IL1RAPL1: variants seen among roughly 807,000 people sequenced by gnomAD.
IL1RAPL1 encodes interleukin-1 receptor accessory protein-like 1.
In IL1RAPL1, 3 loss-of-function variants were observed where a neutral mutation model predicts 48.4. That is an observed-to-expected ratio of 0.06 (90% CI 0.03 to 0.16). The LOEUF is 0.16. Ranked by LOEUF, IL1RAPL1 falls within the 10% of genes least tolerant of loss-of-function variation. The pLI, the probability that IL1RAPL1 is intolerant of heterozygous loss-of-function variation, is 1.00. For missense variants in IL1RAPL1, 349 were observed against 530.6 expected, an observed-to-expected ratio of 0.66 and a Z score of 3.36; for synonymous variants, 185 against 187.7, an observed-to-expected ratio of 0.99 and a Z score of 0.12.
At chrX:29,502,560 G>A (rs1292831506) in intron 5 of IL1RAPL1, among the ~76,000 whole-genome samples, 1 of 111,251 alleles carries the variant, frequency 9.0e-6, no homozygotes, top group East Asian at 2.8e-4. Flanking sequence ...TACTTTTTCA[G>A]TATCTATTGA....
intron 2 of IL1RAPL1, among the ~76,000 whole-genome samples, chrX:28,899,317 C>T (rs778844097): frequency 1.1e-3 from 126 of 111,087 alleles, no homozygotes; most frequent in Non-Finnish European, 3.6e-4. Flanking sequence ...ACCATATCAC[C>T]AGGCTAATTT....
intron 1 of IL1RAPL1, among the ~76,000 whole-genome samples, chrX:28,779,431 A>G (rs1936393017): frequency 9.3e-6 from 1 of 107,958 alleles, no homozygotes; most frequent in South Asian, 4.0e-4. Flanking sequence ...CAGCCTTGAC[A>G]GTGTCTTTAT....
chrX:29,938,896 GT>G (rs976798127), intron 8 of IL1RAPL1, among the ~76,000 whole-genome samples: 6 of 112,341 alleles, frequency 5.3e-5, no homozygotes, highest in African/African-American at 1.6e-4. Flanking sequence ...AGTCATGCAT[GT>G]TTTGCGTATC....
At chrX:29,532,607 A>G (rs1478515084) in intron 5 of IL1RAPL1, among the ~76,000 whole-genome samples, 2 of 111,628 alleles carry the variant, frequency 1.8e-5, no homozygotes, top group Admixed American at 1.9e-4. Flanking sequence ...CTTGAAATGA[A>G]TAAAAATTTC....
At chrX:29,386,790 A>T (rs976091411) in intron 3 of IL1RAPL1, among the ~76,000 whole-genome samples, 23 of 110,514 alleles carry the variant, frequency 2.1e-4, no homozygotes, top group Non-Finnish European at 3.4e-4. Context: ...TGATCTGCCA[A>T]CCTGAGCCTC....
At chrX:28,816,094 G>A (rs766629291) in intron 2 of IL1RAPL1, among the ~76,000 whole-genome samples, 5 of 105,795 alleles carry the variant, frequency 4.7e-5, no homozygotes, top group Non-Finnish European at 7.8e-5. Context: ...GCTGTTTTCC[G>A]TAGTGGCTGT....
chrX:29,465,613 T>C (rs1309075997), intron 5 of IL1RAPL1, among the ~76,000 whole-genome samples: 1 of 111,148 alleles, frequency 9.0e-6, no homozygotes, highest in African/African-American at 3.3e-5. Flanking sequence ...GGATTCAGAT[T>C]TAATGGATCG....
At chrX:29,421,554 A>T (rs1230503358) in intron 5 of IL1RAPL1, among the ~76,000 whole-genome samples, 2 of 111,082 alleles carry the variant, frequency 1.8e-5, no homozygotes, top group South Asian at 7.7e-4. Context: ...ACAGAAAAAA[A>T]AATCTGGCAA....
chrX:29,073,020 G>A (rs1178453759), intron 2 of IL1RAPL1, among the ~76,000 whole-genome samples: 2 of 111,528 alleles, frequency 1.8e-5, no homozygotes, highest in East Asian at 5.7e-4. Context: ...CCTTGTGCTA[G>A]TGTTCAAAAT....
At chrX:29,109,453 TA>T (rs1398977150) in intron 2 of IL1RAPL1, among the ~76,000 whole-genome samples, 2 of 110,917 alleles carry the variant, frequency 1.8e-5, no homozygotes, top group Non-Finnish European at 3.8e-5. Context: ...AAAATTTTGG[TA>T]GCTATATTTA....
intron 5 of IL1RAPL1, among the ~76,000 whole-genome samples, chrX:29,446,598 G>A (rs1035998364): frequency 4.5e-5 from 5 of 111,994 alleles, no homozygotes; most frequent in Admixed American, 1.9e-4. Flanking sequence ...ATACCATGAT[G>A]TCAGGTAGCA....
intron 3 of IL1RAPL1, among the ~76,000 whole-genome samples, chrX:29,342,177 T>TTTGC (rs1933092893): frequency 6.4e-5 from 7 of 109,026 alleles, no homozygotes; most frequent in African/African-American, 2.4e-4. Context: ...TGTTTGTTTG[T>TTTGC]TTTTGTAATT....
chrX:29,559,541 A>G (rs1213554940), intron 5 of IL1RAPL1, among the ~76,000 whole-genome samples: 1 of 111,604 alleles, frequency 9.0e-6, no homozygotes, highest in Non-Finnish European at 1.9e-5. Flanking sequence ...GTATTTCTTA[A>G]TGATTCAGTC....
chrX:28,766,116 A>G (rs1936234965), intron 1 of IL1RAPL1, among the ~76,000 whole-genome samples: 1 of 111,682 alleles, frequency 9.0e-6, no homozygotes, highest in Admixed American at 9.6e-5. Flanking sequence ...CTGATGGGGT[A>G]AGAAAAAAAT....
At chrX:29,590,539 A>G (rs1199994953) in intron 5 of IL1RAPL1, among the ~76,000 whole-genome samples, 1 of 111,728 alleles carries the variant, frequency 9.0e-6, no homozygotes, top group Non-Finnish European at 1.9e-5. Context: ...TATGCTGGTC[A>G]TGGCCTCCAT....
chrX:28,780,333 A>ATGTGTGTG (rs1171085384), intron 1 of IL1RAPL1, among the ~76,000 whole-genome samples: 8 of 96,501 alleles, frequency 8.3e-5, no homozygotes, highest in African/African-American at 3.1e-4. Context: ...GTGTGTGTGT[A>ATGTGTGTG]TGTGTGTGTG....
intron 5 of IL1RAPL1, among the ~76,000 whole-genome samples, chrX:29,399,675 C>T (rs1448275048): frequency 9.1e-6 from 1 of 110,429 alleles, no homozygotes; most frequent in Non-Finnish European, 1.9e-5. Context: ...AAAAATTAGC[C>T]AGGCGTGGTG....
chrX:28,894,801 A>G (rs1922865994), intron 2 of IL1RAPL1, among the ~76,000 whole-genome samples: 1 of 111,312 alleles, frequency 9.0e-6, no homozygotes, highest in Admixed American at 9.5e-5. Flanking sequence ...AAGAATTCTG[A>G]CCGCACTAAC....
intron 2 of IL1RAPL1, among the ~76,000 whole-genome samples, chrX:28,944,911 C>A (rs751077898): frequency 4.7e-4 from 52 of 110,235 alleles, no homozygotes; most frequent in Non-Finnish European, 9.3e-4. Flanking sequence ...TTGACATTTT[C>A]ACGAATCCTT....
Sources: allele counts gnomAD v4.1 joint callset (sites outside exome capture counted in the v4.1 genomes callset), GRCh38; gene constraint gnomAD v4.1.1; transcripts MANE v1.5; gene names NCBI Gene and HGNC (gene_info 2026-07-23, HGNC 2026-07-21).